The following TOX2 variants were observed in gnomAD, a reference collection of about 807,000 sequenced individuals.
TOX2 encodes TOX high mobility group box family member 2.
Under a neutral mutation model 47.4 loss-of-function variants are expected in TOX2, and 15 were observed. The ratio of observed to expected loss-of-function variants is 0.32; its 90% CI spans 0.21 to 0.49. The LOEUF is 0.49. TOX2 is among the 20% of genes least tolerant of loss of function. The pLI, the probability that TOX2 is intolerant of heterozygous loss-of-function variation, is 0.99. For missense variants in TOX2, 622 were observed against 673.1 expected (o/e 0.92, Z 0.84); for synonymous variants, 290 against 296.6 (o/e 0.98, Z 0.23).
At chr20:44,031,947 A>G (rs2071160122) in intron 3 of TOX2, among the ~76,000 whole-genome samples, 1 of 152,184 alleles carries the variant, frequency 6.6e-6, no homozygotes, top group Non-Finnish European at 1.5e-5. Context: ...GCCCATGTGC[A>G]ATTTACATCC....
chr20:44,013,732 A>G (rs1223373797), intron 3 of TOX2, among the ~76,000 whole-genome samples: 1 of 152,186 alleles, frequency 6.6e-6, no homozygotes, highest in Admixed American at 6.5e-5. Flanking sequence ...GCCTGCCTGC[A>G]GCTGCTTATT....
intron 1 of TOX2, among the ~76,000 whole-genome samples, chr20:43,966,481 G>A (rs1214790750): frequency 6.6e-6 from 1 of 152,114 alleles, no homozygotes; most frequent in African/African-American, 2.4e-5. Context: ...GCACTTGCTG[G>A]GTGTGGTGGC....
intron 3 of TOX2, among the ~76,000 whole-genome samples, chr20:44,032,074 C>T (rs896952326): frequency 3.3e-5 from 5 of 152,086 alleles, no homozygotes; most frequent in African/African-American, 1.2e-4. Context: ...GGAATGCTGG[C>T]CCGGTGTGAG....
chr20:44,039,370 G>T, intron 3 of TOX2: 2 of 1,226,204 alleles, frequency 1.6e-6, no homozygotes, highest in South Asian at 1.4e-5. Context: ...ATTTTACATG[G>T]CTAGGCCATT....
At chr20:44,037,202 C>T (rs535276666) in intron 3 of TOX2, among the ~76,000 whole-genome samples, 5 of 152,230 alleles carry the variant, frequency 3.3e-5, no homozygotes, top group Non-Finnish European at 7.3e-5. Flanking sequence ...GATCCACCCA[C>T]CTTGGCCTCC....
intron 2 of TOX2, among the ~76,000 whole-genome samples, chr20:43,996,875 A>ATGT (rs1199528730): frequency 6.6e-6 from 1 of 152,060 alleles, no homozygotes; most frequent in Non-Finnish European, 1.5e-5. Context: ...TGTAACTCTC[A>ATGT]ATACATGAGA....
intron 1 of TOX2, among the ~76,000 whole-genome samples, chr20:43,942,759 TAAG>T (rs2069417353): frequency 6.6e-6 from 1 of 152,086 alleles, no homozygotes; most frequent in African/African-American, 2.4e-5. Context: ...CCTCCATGGA[TAAG>T]AAGAGAGAAG....
At chr20:43,984,159 G>T (rs1283411020) in intron 2 of TOX2, among the ~76,000 whole-genome samples, 1 of 152,144 alleles carries the variant, frequency 6.6e-6, no homozygotes, top group East Asian at 1.9e-4. Context: ...AAGAGAAAAG[G>T]CCTTTTGCAA....
At chr20:43,919,447 C>G (rs932641514) in intron 1 of TOX2, among the ~76,000 whole-genome samples, 13 of 152,124 alleles carry the variant, frequency 8.5e-5, no homozygotes, top group African/African-American at 3.1e-4. Flanking sequence ...TTGAGGAAGG[C>G]CTTGTGGTCT....
intron 1 of TOX2, among the ~76,000 whole-genome samples, chr20:43,939,228 G>T (rs2145343010): frequency 6.6e-6 from 1 of 152,304 alleles, no homozygotes; most frequent in Non-Finnish European, 1.5e-5. Flanking sequence ...TACTAGCTGT[G>T]CACATCTAGT....
chr20:44,021,331 C>T (rs960760141), intron 3 of TOX2, among the ~76,000 whole-genome samples: 9 of 152,056 alleles, frequency 5.9e-5, no homozygotes, highest in South Asian at 2.1e-4. Flanking sequence ...GCAACTGGCC[C>T]GGGAGAACTG....
At chr20:43,931,876 A>G (rs1341156743) in intron 1 of TOX2, among the ~76,000 whole-genome samples, 4 of 152,214 alleles carry the variant, frequency 2.6e-5, no homozygotes, top group African/African-American at 9.7e-5. Context: ...CACACTAGCC[A>G]TATTTCGAGT....
At chr20:44,021,607 G>A (rs2145651936) in intron 3 of TOX2, among the ~76,000 whole-genome samples, 1 of 152,146 alleles carries the variant, frequency 6.6e-6, no homozygotes, top group Non-Finnish European at 1.5e-5. Context: ...CCAGTACATT[G>A]GCTGTGCCCT....
intron 5 of TOX2, among the ~76,000 whole-genome samples, chr20:44,061,942 C>A (rs1362653714): frequency 6.6e-6 from 1 of 151,810 alleles, no homozygotes; most frequent in Non-Finnish European, 1.5e-5. Flanking sequence ...TTGATTAAAA[C>A]CCTCAGCAAA....
intron 1 of TOX2, among the ~76,000 whole-genome samples, chr20:43,948,995 G>A (rs2069514819): frequency 6.6e-6 from 1 of 152,178 alleles, no homozygotes; most frequent in Admixed American, 6.5e-5. Context: ...GGGAGCAGCA[G>A]CCCCCTAGTC....
At chr20:43,968,481 G>T (rs2069900820) in intron 1 of TOX2, among the ~76,000 whole-genome samples, 1 of 152,154 alleles carries the variant, frequency 6.6e-6, no homozygotes, top group Admixed American at 6.5e-5. Flanking sequence ...TGGAATAGGG[G>T]CCGAGGAGCT....
chr20:43,986,781 T>C (rs916709904), intron 2 of TOX2, among the ~76,000 whole-genome samples: 10 of 152,142 alleles, frequency 6.6e-5, no homozygotes, highest in Admixed American at 2.6e-4. Context: ...CTTCGTATGT[T>C]CAGGCCAGGC....
At chr20:43,998,838 C>T (rs964318759) in intron 2 of TOX2, among the ~76,000 whole-genome samples, 2 of 152,212 alleles carry the variant, frequency 1.3e-5, no homozygotes, top group Admixed American at 1.3e-4. Context: ...CAGCTCACTG[C>T]AACCCCTGCT....
chr20:43,918,116 G>C (rs1347045158), intron 1 of TOX2, among the ~76,000 whole-genome samples: 1 of 152,172 alleles, frequency 6.6e-6, no homozygotes, highest in East Asian at 1.9e-4. Context: ...TTTAGAGCCT[G>C]TAACATCTTT....
Sources: gnomAD v4.1 joint callset for allele counts (sites outside exome capture counted in the v4.1 genomes callset) on GRCh38, gnomAD v4.1.1 for gene constraint, MANE v1.5 for transcripts, NCBI Gene and HGNC (gene_info 2026-07-23, HGNC 2026-07-21) for gene names.